ENTPD1: variants seen among roughly 807,000 people sequenced by gnomAD.
The protein encoded by ENTPD1 is ectonucleoside triphosphate diphosphohydrolase 1.
Under a neutral mutation model 57.0 loss-of-function variants are expected in ENTPD1, and 33 were observed. The ratio of observed to expected loss-of-function variants is 0.58; its 90% confidence interval spans 0.44 to 0.77. The LOEUF is 0.77. Among genes scored for constraint, ENTPD1 ranks in the 30% least tolerant of loss-of-function variants. The probability of loss-of-function intolerance (pLI) is 0.00; values close to 1 mark genes in which losing one functional copy is unlikely to be tolerated. For missense variants in ENTPD1, 501 were observed against 603.4 expected (o/e 0.83, Z 1.78); for synonymous variants, 202 against 218.8 (o/e 0.92, Z 0.68).
intron 2 of ENTPD1, among the ~76,000 whole-genome samples, chr10:95,829,706 G>A (rs1298540791): frequency 6.6e-6 from 1 of 152,172 alleles, no homozygotes; most frequent in African/African-American, 2.4e-5. Context: ...TTTACATGGA[G>A]GCTTCACAGA....
chr10:95,717,751 T>G (rs2097973165), intron 1 of ENTPD1, among the ~76,000 whole-genome samples: 1 of 152,188 alleles, frequency 6.6e-6, no homozygotes, highest in South Asian at 2.1e-4. Context: ...CGCTCTTAAC[T>G]GCTTCCTGCT....
chr10:95,723,693 A>G (rs1343167290), intron 1 of ENTPD1, among the ~76,000 whole-genome samples: 3 of 152,192 alleles, frequency 2.0e-5, no homozygotes, highest in East Asian at 1.9e-4. Flanking sequence ...CACATGGGCA[A>G]CTGTTGAGTA....
At chr10:95,806,094 T>A (rs2098271171) in intron 1 of ENTPD1, among the ~76,000 whole-genome samples, 1 of 152,256 alleles carries the variant, frequency 6.6e-6, no homozygotes, top group Non-Finnish European at 1.5e-5. Flanking sequence ...GTTTTCCAAC[T>A]TGGTTCCATT....
chr10:95,827,316 G>A lies in ENTPD1; in HGVS notation c.144+3952G>A, dbSNP rs144105334. ...AAAATACAAAAAAAATTAGCCGGGC[G>A]TGGTGGTAGGCACCTATAGTCCCAA... On this transcript the variant is annotated intron_variant, in intron 2 of 9. Transcript: ENST00000371205. 7.0e-3 allele frequency among the ~76,000 whole-genome samples: 1,063 copies of A among 152,024 alleles called. 19 individuals carry two copies. Among genetic ancestry groups the A allele is most frequent in the East Asian group, 0.032 (165 of 5,120 alleles).
At chr10:95,751,059 G>T (rs2098011258), upstream of ENTPD1, among the ~76,000 whole-genome samples, 1 of 152,064 alleles carries the variant, frequency 6.6e-6, no homozygotes, top group Non-Finnish European at 1.5e-5. Context: ...GTTTTATAAG[G>T]ATTATGGGTC....
intron 1 of ENTPD1, among the ~76,000 whole-genome samples, chr10:95,717,572 G>A (rs1430242187): frequency 6.6e-6 from 1 of 152,070 alleles, no homozygotes; most frequent in African/African-American, 2.4e-5. Context: ...TACCTGATTG[G>A]TCAGGTGTGA....
intron 5 of ENTPD1, among the ~76,000 whole-genome samples, chr10:95,844,998 G>A (rs1216694232): frequency 2.0e-5 from 3 of 152,182 alleles, no homozygotes; most frequent in Non-Finnish European, 1.5e-5. Flanking sequence ...AACACTATGA[G>A]GTACTACATC....
At chr10:95,808,259 G>A (rs564806417) in intron 1 of ENTPD1, among the ~76,000 whole-genome samples, 1 of 152,268 alleles carries the variant, frequency 6.6e-6, no homozygotes, top group African/African-American at 2.4e-5. Flanking sequence ...TACATCGCAG[G>A]GATAAAGGCT....
intron 1 of ENTPD1, among the ~76,000 whole-genome samples, chr10:95,713,815 C>G (rs935593689): frequency 2.6e-5 from 4 of 152,008 alleles, no homozygotes. Flanking sequence ...GAAGCAGCAG[C>G]AGAAAGGAAA....
chr10:95,805,172 C>A (rs2098266978), intron 1 of ENTPD1, among the ~76,000 whole-genome samples: 1 of 152,092 alleles, frequency 6.6e-6, no homozygotes, highest in South Asian at 2.1e-4. Flanking sequence ...TCTGGGTGCT[C>A]CTGTATTGGG....
chr10:95,723,085 G>A (rs1034268271), intron 1 of ENTPD1, among the ~76,000 whole-genome samples: 3 of 152,188 alleles, frequency 2.0e-5, no homozygotes, highest in Non-Finnish European at 4.4e-5. Flanking sequence ...AAGGCTGCGG[G>A]TTGTCAGTGG....
rs1262198456 is a variant in ENTPD1 at position 95,872,070 on chromosome 10, T to G, written c.*5687T>G. The G allele has an allele frequency of 3.0e-6, 3 of 985,342 alleles. No homozygotes were observed. In the East Asian group the frequency reaches 3.4e-4, roughly 112 times the overall value. The allele number at this position is 985,342 out of a possible 1,614,324, so 61.0% of individuals were successfully genotyped here. A position where few individuals can be genotyped will look rare whatever the true frequency, so the allele number is the denominator to read the frequency against. On this transcript the variant is annotated 3_prime_UTR_variant, in exon 10 of 10. Coordinates refer to ENST00000371205, the MANE Select transcript of ENTPD1 (RefSeq NM_001776.6). ...ATCACTGGGACCTCCCCATTCTGCC[T>G]GTGCAATATTTTTCTTTTTTATTTC...
chr10:95,741,251 T>C (rs1013454870), intron 1 of ENTPD1, among the ~76,000 whole-genome samples: 2 of 152,164 alleles, frequency 1.3e-5, no homozygotes, highest in Non-Finnish European at 2.9e-5. Context: ...TTTCAATATA[T>C]TGTGTCTCAA....
At chr10:95,737,782 A>G (rs932936309) in intron 1 of ENTPD1, among the ~76,000 whole-genome samples, 6 of 152,158 alleles carry the variant, frequency 3.9e-5, no homozygotes, top group Admixed American at 3.9e-4. Flanking sequence ...AATTGAATAG[A>G]CTTGGAATTG....
In ENTPD1 at chr10:95,873,238, A is replaced by T; in HGVS notation, c.*6855A>T. On this transcript the variant is annotated 3_prime_UTR_variant, in exon 10 of 10. Transcript: ENST00000371205. ...TTTACAGGCTCTCAGATCAGTGTTC[A>T]TCCACTACCTGACTACTGTCATTCA... The T allele has an allele frequency of 1.0e-6, 1 of 984,760 alleles. No homozygotes were observed. Among genetic ancestry groups the T allele is most frequent in the Admixed American group, 6.1e-5 (1 of 16,274 alleles). 61.0% of individuals were successfully genotyped at this position (984,760 alleles called of 1,614,324 possible).
intron 1 of ENTPD1, among the ~76,000 whole-genome samples, chr10:95,781,152 G>A (rs1358248013): frequency 6.6e-6 from 1 of 152,124 alleles, no homozygotes; most frequent in Admixed American, 6.6e-5. Flanking sequence ...AATAAGTCAG[G>A]CACAGAAAGA....
chr10:95,727,307 A>G (rs1407879046), intron 1 of ENTPD1, among the ~76,000 whole-genome samples: 2 of 152,182 alleles, frequency 1.3e-5, no homozygotes, highest in African/African-American at 4.8e-5. Context: ...TAAGGCTTCC[A>G]TTCATATTTA....
chr10:95,775,932 G>A (rs866525787), intron 1 of ENTPD1, among the ~76,000 whole-genome samples: 47 of 152,270 alleles, frequency 3.1e-4, no homozygotes, highest in African/African-American at 1.1e-3. Flanking sequence ...TTGGTTTAAA[G>A]TCTGTTTTAT....
upstream of ENTPD1, among the ~76,000 whole-genome samples, chr10:95,711,322 A>G (rs1452054529): frequency 6.6e-6 from 1 of 152,160 alleles, no homozygotes; most frequent in Admixed American, 6.5e-5. Context: ...TCCAGAAGGA[A>G]GGAAGGCACA....
Sources: gnomAD v4.1 joint callset for allele counts (sites outside exome capture counted in the v4.1 genomes callset) on GRCh38, gnomAD v4.1.1 for gene constraint, MANE v1.5 for transcripts, NCBI Gene and HGNC (gene_info 2026-07-23, HGNC 2026-07-21) for gene names.